KBTBD12: variants seen among roughly 807,000 people sequenced by gnomAD.
The protein encoded by KBTBD12 is kelch repeat and BTB domain containing 12.
Under a neutral mutation model 58.7 loss-of-function variants are expected in KBTBD12, and 53 were observed. That is an observed-to-expected ratio of 0.90 (90% CI 0.72 to 1.14). KBTBD12 has a LOEUF of 1.14. Ranked by LOEUF, KBTBD12 falls within the 50% of genes most tolerant of loss-of-function variation. The probability of loss-of-function intolerance (pLI) is 0.00; values close to 1 mark genes in which losing one functional copy is unlikely to be tolerated. For missense variants in KBTBD12, 704 were observed against 751.3 expected (o/e 0.94, Z 0.74); for synonymous variants, 236 against 259.8 (o/e 0.91, Z 0.88).
At chr3:127,916,192 T>C (rs543449784) in intron 1 of KBTBD12, among the ~76,000 whole-genome samples, 2 of 152,176 alleles carry the variant, frequency 1.3e-5, no homozygotes, top group African/African-American at 2.4e-5. Flanking sequence ...CTGGTCTTAT[T>C]TGTCTTTATC....
chr3:127,963,093 C>A, intron 4 of KBTBD12, 96 bp from the exon 5 acceptor site: 1 of 1,096,784 alleles, frequency 9.1e-7, no homozygotes, highest in Non-Finnish European at 1.3e-6. Context: ...AGTTACAGTC[C>A]CATAAACCTT....
intron 4 of KBTBD12, among the ~76,000 whole-genome samples, chr3:127,956,333 T>C (rs1413232372): frequency 6.6e-6 from 1 of 152,170 alleles, no homozygotes; most frequent in Non-Finnish European, 1.5e-5. Context: ...GAGTTAGCAT[T>C]CTATATATTA....
chr3:127,974,505 C>T (rs1940743027), intron 5 of KBTBD12, among the ~76,000 whole-genome samples: 3 of 152,098 alleles, frequency 2.0e-5, no homozygotes, highest in African/African-American at 7.2e-5. Flanking sequence ...AGGGAATGTC[C>T]TTCAACTGAC....
In KBTBD12 at chr3:127,980,611, T is replaced by G. The variant is rs1576398292; in HGVS notation, c.1691-3486T>G. ...TCCCAAAGTGCTGGGATTAGAGGTG[T>G]GAGCTGCTGTGCCTGGCCGAGTGTA... is the stretch of plus-strand genomic sequence containing the variant. On this transcript the variant is annotated intron_variant, in intron 5 of 5. Coordinates refer to ENST00000405109, the MANE Select transcript of KBTBD12 (RefSeq NM_207335.4). Among the ~76,000 whole-genome samples the G allele has an allele frequency of 2.6e-5, 4 of 152,342 alleles. No individual in the cohort carries two copies. In the South Asian group the frequency reaches 6.2e-4, roughly 24 times the overall value.
chr3:127,962,004 T>C (rs1270997309), intron 4 of KBTBD12, among the ~76,000 whole-genome samples: 1 of 152,236 alleles, frequency 6.6e-6, no homozygotes, highest in Non-Finnish European at 1.5e-5. Context: ...CATACTCCAG[T>C]ATCAGTCACC....
At chr3:127,979,209 C>T (rs911528746) in intron 5 of KBTBD12, among the ~76,000 whole-genome samples, 1 of 152,192 alleles carries the variant, frequency 6.6e-6, no homozygotes, top group African/African-American at 2.4e-5. Flanking sequence ...TCCAAAATTA[C>T]TTGACTTACC....
chr3:127,926,773 A>G (rs1159306392), intron 2 of KBTBD12, among the ~76,000 whole-genome samples: 1 of 152,192 alleles, frequency 6.6e-6, no homozygotes, highest in Admixed American at 6.5e-5. Context: ...TCCAAACAGA[A>G]CAACTTTTTT....
At chr3:127,950,932 G>A (rs1169275253) in intron 4 of KBTBD12, among the ~76,000 whole-genome samples, 2 of 152,168 alleles carry the variant, frequency 1.3e-5, no homozygotes, top group African/African-American at 4.8e-5. Flanking sequence ...AGGAGGCTGA[G>A]GCAGGAGAAT....
rs1940991021 is a variant in KBTBD12 at position 127,987,532 on chromosome 3, T to C, written c.*3254T>C. The C allele has an allele frequency of 6.6e-6, 1 of 152,256 alleles. No homozygotes were observed. Among genetic ancestry groups the C allele is most frequent in the South Asian group, 2.1e-4 (1 of 4,836 alleles). 9.4% of individuals were successfully genotyped at this position (152,256 alleles called of 1,614,324 possible). A position where few individuals can be genotyped will look rare whatever the true frequency, so the allele number is the denominator to read the frequency against. ...CACAATAAGGAAGTAATTTGGATGCTAGGCTGGCAGAAGCCTGCAGCTGTC... is the reference window on the plus strand; with the variant it reads ...CACAATAAGGAAGTAATTTGGATGCCAGGCTGGCAGAAGCCTGCAGCTGTC... On this transcript the variant is annotated 3_prime_UTR_variant, in exon 6 of 6. Transcript: ENST00000405109.
At chr3:127,945,851 G>A (rs1447415168) in intron 4 of KBTBD12, among the ~76,000 whole-genome samples, 2 of 151,838 alleles carry the variant, frequency 1.3e-5, no homozygotes, top group Non-Finnish European at 2.9e-5. Flanking sequence ...GATAATTTTT[G>A]TATTTTCGGT....
At chr3:127,920,090 C>T (rs935122851) in intron 1 of KBTBD12, among the ~76,000 whole-genome samples, 2 of 152,230 alleles carry the variant, frequency 1.3e-5, no homozygotes, top group African/African-American at 2.4e-5. Flanking sequence ...TATAATTACC[C>T]TTCATGTCTT....
At chr3:127,981,967 C>T (rs1045087919) in intron 5 of KBTBD12, among the ~76,000 whole-genome samples, 1 of 152,176 alleles carries the variant, frequency 6.6e-6, no homozygotes, top group Non-Finnish European at 1.5e-5. Context: ...GCACTTTACA[C>T]ACATTATCTT....
At chr3:127,949,507 G>A (rs1218920127) in intron 4 of KBTBD12, among the ~76,000 whole-genome samples, 1 of 152,168 alleles carries the variant, frequency 6.6e-6, no homozygotes, top group African/African-American at 2.4e-5. Context: ...AATTCTACCT[G>A]CACACACCTT....
chr3:127,974,733 A>G (rs1278689416), intron 5 of KBTBD12, among the ~76,000 whole-genome samples: 1 of 152,178 alleles, frequency 6.6e-6, no homozygotes, highest in Admixed American at 6.5e-5. Flanking sequence ...CACGCCTGTA[A>G]TCCCAGAACT....
At chr3:127,961,168 T>G (rs1940431802) in intron 4 of KBTBD12, among the ~76,000 whole-genome samples, 1 of 152,204 alleles carries the variant, frequency 6.6e-6, no homozygotes, top group Admixed American at 6.5e-5. Context: ...TATGGGTGAT[T>G]GCTTGTTTCA....
rs1187501286 is a variant in KBTBD12 at position 127,984,235 on chromosome 3, T to TC, written c.1835dup (p.Pro613AlafsTer10). The TC allele has an allele frequency of 2.5e-6, 4 of 1,613,656 alleles. No individual in the cohort carries two copies. In the South Asian group the frequency reaches 4.4e-5, roughly 18 times the overall value. The stretch of plus-strand genomic sequence containing the variant: ...GCCAGGATGAATCCCCGAGACCTCA[T>TC]CCCCCCGCCTTCAGATTTGGTGGAA... On this transcript the variant is annotated frameshift_variant, in exon 6 of 6. Transcript: ENST00000405109. LOFTEE classifies it high-confidence loss of function.
Position 127,923,307 on chromosome 3 carries a change from G to A in KBTBD12, c.246G>A (p.Val82=), listed in dbSNP as rs758895181. Residue 82 remains valine (V), a synonymous_variant, in exon 2 of 6, where the codon GTG becomes GTA. Coordinates refer to ENST00000405109, the MANE Select transcript of KBTBD12 (RefSeq NM_207335.4). ...TTTATGACATCACAGCAGAAAGTGT[G>A]TCGGTGTTATTAAATTACATGTACA... is the stretch of plus-strand genomic sequence containing the variant. ...VILYDITAES[V]SVLLNYMYNA... is the part of the protein sequence containing the mutation. 34 of 1,613,728 alleles carry A rather than the reference G, an allele frequency of 2.1e-5. No homozygotes were observed. The highest frequency in any genetic ancestry group is 2.7e-5 in the African/African-American group (2 of 74,912).
intron 5 of KBTBD12, among the ~76,000 whole-genome samples, chr3:127,976,790 T>C (rs1050611619): frequency 6.6e-6 from 1 of 152,238 alleles, no homozygotes; most frequent in African/African-American, 2.4e-5. Context: ...TGTATGCTGT[T>C]TCATTGTGTG....
Position 127,981,421 on chromosome 3 carries a change from TTAACA to T in KBTBD12, c.1691-2670_1691-2666del, listed in dbSNP as rs1431190076. Among the ~76,000 whole-genome samples, 4 of 152,368 alleles carry T rather than the reference TTAACA, an allele frequency of 2.6e-5. No homozygotes were observed. In the East Asian group the frequency reaches 7.7e-4, roughly 29 times the overall value. On this transcript the variant is annotated intron_variant, in intron 5 of 5. Coordinates refer to ENST00000405109, the MANE Select transcript of KBTBD12 (RefSeq NM_207335.4). Reference sequence around the variant, plus strand: ...GCTATCCAATAAATAGTCATTATTATTAACATAACAGATTCTGACATAAATAGAAT... The same window carrying T: ...GCTATCCAATAAATAGTCATTATTATTAACAGATTCTGACATAAATAGAAT...
Sources: allele counts gnomAD v4.1 joint callset (sites outside exome capture counted in the v4.1 genomes callset), GRCh38; gene constraint gnomAD v4.1.1; transcripts MANE v1.5; gene names NCBI Gene and HGNC (gene_info 2026-07-23, HGNC 2026-07-21).